Variants in SMC5 observed in about 807,000 individuals in gnomAD.
SMC5 encodes structural maintenance of chromosomes protein 5.
SMC5 carries 88 observed loss-of-function variants against 148.3 expected under a neutral mutation model. The observed-to-expected ratio is 0.59, with a 90% CI of 0.50 to 0.71. The LOEUF (loss-of-function observed/expected upper bound fraction) is 0.71. Ranked by LOEUF, SMC5 falls within the 30% of genes least tolerant of loss-of-function variation. The pLI is 0.00. For synonymous variants in SMC5, 421 were observed against 432.8 expected (o/e 0.97, Z 0.34); for missense variants, 1,142 against 1,298.9 (o/e 0.88, Z 1.86).
chr9:70,328,440 C>T (rs1364481156), intron 17 of SMC5, among the ~76,000 whole-genome samples: 5 of 152,126 alleles, frequency 3.3e-5, no homozygotes, highest in Non-Finnish European at 5.9e-5. Flanking sequence ...AACTACAGGC[C>T]CCACACATGT....
At chr9:70,286,159 T>C in intron 7 of SMC5, 41 bp from the exon 8 acceptor site, 1 of 1,362,454 alleles carries the variant, frequency 7.3e-7, no homozygotes, top group Non-Finnish European at 1.0e-6. Context: ...GCATGAGTTT[T>C]TAACTAGCTG....
chr9:70,265,841 A>G (rs1411551600), intron 2 of SMC5, among the ~76,000 whole-genome samples: 1 of 152,226 alleles, frequency 6.6e-6, no homozygotes, highest in African/African-American at 2.4e-5. Flanking sequence ...TCAAATTCAC[A>G]TTATAATCTA....
At chr9:70,272,187 T>G (rs1016447704) in intron 3 of SMC5, among the ~76,000 whole-genome samples, 2 of 152,218 alleles carry the variant, frequency 1.3e-5, no homozygotes, top group Non-Finnish European at 2.9e-5. Context: ...CCAAGATGTC[T>G]GGCATGATTA....
At chr9:70,314,513 C>CA (rs1370616106) in intron 11 of SMC5, among the ~76,000 whole-genome samples, 3 of 151,884 alleles carry the variant, frequency 2.0e-5, no homozygotes, top group Non-Finnish European at 2.9e-5. Flanking sequence ...CATTCTGTTT[C>CA]ACCTGAAAAT....
intron 13 of SMC5, among the ~76,000 whole-genome samples, chr9:70,318,189 C>G (rs2035854871): frequency 6.6e-6 from 1 of 152,072 alleles, no homozygotes; most frequent in Admixed American, 6.6e-5. Flanking sequence ...AAGACCAGCG[C>G]CCCCATAGGA....
chr9:70,332,447 CTG>C (rs1380364231), intron 17 of SMC5, among the ~76,000 whole-genome samples: 1 of 150,098 alleles, frequency 6.7e-6, no homozygotes, highest in Admixed American at 6.7e-5. Context: ...TCACTTGAGC[CTG>C]GGAGGTCAAG....
intron 12 of SMC5, 76 bp from the exon 13 acceptor site, chr9:70,315,370 T>TC: frequency 5.2e-6 from 5 of 958,646 alleles, no homozygotes; most frequent in Non-Finnish European, 7.5e-6. Flanking sequence ...TTATTGTTTA[T>TC]TGGTGGCTTA....
chr9:70,302,940 C>G (rs763483408), intron 10 of SMC5, among the ~76,000 whole-genome samples: 1 of 152,098 alleles, frequency 6.6e-6, no homozygotes, highest in African/African-American at 2.4e-5. Flanking sequence ...CTAACAAATA[C>G]ACCTTGGGGC....
At chr9:70,286,755 T>TA (rs2034914867) in intron 8 of SMC5, 1 of 151,032 alleles carries the variant, frequency 6.6e-6, no homozygotes, top group South Asian at 2.1e-4. Flanking sequence ...GGGTCTCTGT[T>TA]ACCCAGGTTG....
In SMC5 at chr9:70,352,753, A is replaced by G. The variant is rs1417569189; in HGVS notation, c.*422A>G. The G allele has an allele frequency of 2.0e-5, 3 of 153,534 alleles. No homozygotes were observed. Among genetic ancestry groups the G allele is most frequent in the Admixed American group, 1.9e-4 (3 of 15,404 alleles). 9.5% of individuals were successfully genotyped at this position (153,534 alleles called of 1,614,324 possible). A position where few individuals can be genotyped will look rare whatever the true frequency, so the allele number is the denominator to read the frequency against. On this transcript the variant is annotated 3_prime_UTR_variant, in exon 25 of 25. Transcript: ENST00000361138. ...AAGTCCTAGTTTCTCCCAATGTTAT[A>G]TTTAATTTTAAAAAATTGATATGAA...
intron 24 of SMC5, 139 bp downstream of exon 24, chr9:70,350,610 C>T (rs2036782559): frequency 5.6e-6 from 3 of 533,304 alleles, no homozygotes; most frequent in Admixed American, 4.0e-5. Context: ...GTAATATTTA[C>T]ATTATTAAAG....
intron 11 of SMC5, among the ~76,000 whole-genome samples, chr9:70,312,721 A>G (rs576226163): frequency 6.6e-6 from 1 of 152,164 alleles, no homozygotes; most frequent in Non-Finnish European, 1.5e-5. Flanking sequence ...TGTTAATATG[A>G]TAAGTTAGAT....
chr9:70,341,130 G>A (rs185387928), intron 17 of SMC5, among the ~76,000 whole-genome samples: 147 of 152,190 alleles, frequency 9.7e-4, no homozygotes, highest in African/African-American at 3.4e-3. Flanking sequence ...CCCTTAAAAA[G>A]CTCAGCAAGA....
rs115304081 is a variant in SMC5, at chr9:70,280,426, A to G, written c.679-333A>G. 5.6e-3 allele frequency among the ~76,000 whole-genome samples: 850 copies of G among 152,288 alleles called. 9 individuals are homozygous for G. The highest frequency in any genetic ancestry group is 0.019 in the African/African-American group (802 of 41,564). On this transcript the variant is annotated intron_variant, in intron 5 of 24. Coordinates refer to ENST00000361138, the MANE Select transcript of SMC5 (RefSeq NM_015110.4). ...CTTTTGTTTAGCTTTCATTTATATT[A>G]AGTGAATTGCTTCTACCCTTCAAGT... is the stretch of plus-strand genomic sequence containing the variant.
intron 9 of SMC5, 128 bp downstream of exon 9, chr9:70,298,349 A>G (rs1257008419): frequency 4.1e-5 from 41 of 1,006,428 alleles, no homozygotes; most frequent in Non-Finnish European, 5.8e-5. Context: ...AGCTCAACTC[A>G]GTTCTTCCAA....
chr9:70,324,106 A>AT lies in SMC5; in HGVS notation c.2362dup (p.Tyr788LeufsTer17), dbSNP rs1351752536. 7 of 1,598,678 alleles carry AT rather than the reference A, an allele frequency of 4.4e-6. No homozygotes were observed. Among genetic ancestry groups the AT allele is most frequent in the Non-Finnish European group, 5.9e-6 (7 of 1,177,170 alleles). On this transcript the variant is annotated frameshift_variant, in exon 17 of 25. Coordinates refer to ENST00000361138, the MANE Select transcript of SMC5 (RefSeq NM_015110.4). LOFTEE classifies it high-confidence loss of function. ...TCTGAGAAGAACAAATTAGAATCAGATTATATGGCCGCATCTTCACAACTC... is the reference window on the plus strand; with the variant it reads ...TCTGAGAAGAACAAATTAGAATCAGATTTATATGGCCGCATCTTCACAACTC...
At chr9:70,270,680 A>G (rs2034423232) in intron 3 of SMC5, among the ~76,000 whole-genome samples, 1 of 123,096 alleles carries the variant, frequency 8.1e-6, no homozygotes, top group Non-Finnish European at 1.6e-5. Context: ...ACGGAGTGTC[A>G]CTGTCGCCCA....
chr9:70,350,202 G>T lies in SMC5; in HGVS notation c.2978G>T (p.Gly993Val). 6.2e-7 allele frequency: 1 copy of T among 1,613,608 alleles called. No homozygotes were observed. Among genetic ancestry groups the T allele is most frequent in the Non-Finnish European group, 8.5e-7 (1 of 1,179,726 alleles). The change falls in exon 23 of 25, where the codon GGA becomes GTA. Residue 993 changes from glycine to valine, a missense_variant. This residue lies in a region of SMC5 where 743 missense variants were observed against 835.7 expected (regional missense o/e 0.89). Coordinates refer to ENST00000361138, the MANE Select transcript of SMC5 (RefSeq NM_015110.4). ...GAATTAACTCCTCATCATCAAAGTG[G>T]AGGTGAAAGAAGTGTTTCTACCATG... Reference protein sequence around the residue: ...LHELTPHHQSGGERSVSTMLY... With the variant: ...LHELTPHHQSVGERSVSTMLY...
intron 13 of SMC5, among the ~76,000 whole-genome samples, chr9:70,318,091 A>G (rs2035851319): frequency 6.6e-6 from 1 of 151,268 alleles, no homozygotes. Flanking sequence ...GGATAGGTTA[A>G]AAAAAAAATT....
Sources: gnomAD v4.1 joint callset for allele counts (sites outside exome capture counted in the v4.1 genomes callset) on GRCh38, gnomAD v4.1.1 for gene constraint, gnomAD v4.1.1 regional missense constraint, MANE v1.5 for transcripts, NCBI Gene and HGNC (gene_info 2026-07-23, HGNC 2026-07-21) for gene names.